Variants in PTPRD observed in about 807,000 individuals in gnomAD.
PTPRD encodes the protein protein tyrosine phosphatase receptor type D, also known as receptor-type tyrosine-protein phosphatase delta.
A neutral mutation model predicts 214.5 loss-of-function variants in PTPRD; 34 were observed. The observed-to-expected ratio is 0.16, with a 90% confidence interval of 0.12 to 0.21. The LOEUF (loss-of-function observed/expected upper bound fraction) is 0.21, where lower values mean the gene tolerates loss of function less well. Among genes scored for constraint, PTPRD ranks in the 10% least tolerant of loss-of-function variants. The pLI, the probability that PTPRD is intolerant of heterozygous loss-of-function variation, is 1.00. For missense variants in PTPRD, 2,545 were observed against 2,398.7 expected (o/e 1.06, Z -1.27); for synonymous variants, 1,128 against 845.7 (o/e 1.33, Z -5.79).
chr9:10,496,632 T>C (rs1017358447), intron 2 of PTPRD, among the ~76,000 whole-genome samples: 7 of 152,214 alleles, frequency 4.6e-5, no homozygotes, highest in East Asian at 1.9e-4. Flanking sequence ...TTTTTGACTT[T>C]TGAATAATAG....
At chr9:8,705,942 G>C (rs887214408) in intron 12 of PTPRD, among the ~76,000 whole-genome samples, 2 of 152,124 alleles carry the variant, frequency 1.3e-5, no homozygotes, top group African/African-American at 4.8e-5. Flanking sequence ...GTGATTCGGA[G>C]CATTTAGTCA....
At chr9:8,732,626 T>C (rs1013941133) in intron 12 of PTPRD, among the ~76,000 whole-genome samples, 4 of 152,234 alleles carry the variant, frequency 2.6e-5, no homozygotes, top group African/African-American at 9.6e-5. Context: ...ATTAGGAAAC[T>C]ATATACATTA....
chr9:10,278,110 A>G (rs764058168), intron 3 of PTPRD, among the ~76,000 whole-genome samples: 1 of 151,254 alleles, frequency 6.6e-6, no homozygotes, highest in Non-Finnish European at 1.5e-5. Context: ...GAGCCGAGAT[A>G]GCGCCACTGC....
intron 3 of PTPRD, among the ~76,000 whole-genome samples, chr9:10,194,921 A>G (rs1159958634): frequency 6.6e-6 from 1 of 151,312 alleles, no homozygotes; most frequent in Non-Finnish European, 1.5e-5. Flanking sequence ...GAAGAAAAAA[A>G]TAACAAGGAT....
At chr9:8,646,779 A>T (rs1564956612) in intron 12 of PTPRD, among the ~76,000 whole-genome samples, 1 of 152,190 alleles carries the variant, frequency 6.6e-6, no homozygotes, top group Admixed American at 6.5e-5. Context: ...AGAAAATTAT[A>T]CATGCCCCTG....
chr9:8,996,760 C>A (rs1044553826), intron 11 of PTPRD, among the ~76,000 whole-genome samples: 6 of 151,940 alleles, frequency 3.9e-5, no homozygotes. Flanking sequence ...ACAGGCTGAG[C>A]CTCATGGCCT....
chr9:10,225,709 CT>C, intron 3 of PTPRD, among the ~76,000 whole-genome samples: 1 of 152,140 alleles, frequency 6.6e-6, no homozygotes, highest in South Asian at 2.1e-4. Flanking sequence ...CGTATTCATA[CT>C]GTGGATACAT....
chr9:9,134,432 G>A (rs1256332757), intron 10 of PTPRD, among the ~76,000 whole-genome samples: 1 of 151,956 alleles, frequency 6.6e-6, no homozygotes, highest in Non-Finnish European at 1.5e-5. Flanking sequence ...CAATTCTCTT[G>A]GCTTTACCTT....
chr9:9,382,773 TATC>T (rs1271180452), intron 9 of PTPRD, among the ~76,000 whole-genome samples: 1 of 151,998 alleles, frequency 6.6e-6, no homozygotes, highest in African/African-American at 2.4e-5. Context: ...AAATAAAACT[TATC>T]ATATGATTTG....
chr9:8,645,411 C>A (rs1253902653), intron 12 of PTPRD, among the ~76,000 whole-genome samples: 4 of 152,206 alleles, frequency 2.6e-5, no homozygotes, highest in Non-Finnish European at 5.9e-5. Flanking sequence ...AAGACAAATA[C>A]CTCAATACAG....
intron 7 of PTPRD, among the ~76,000 whole-genome samples, chr9:9,725,427 C>T (rs973105210): frequency 3.3e-5 from 5 of 151,888 alleles, no homozygotes; most frequent in African/African-American, 7.3e-5. Flanking sequence ...GTCCATTAAA[C>T]GTCTTTTTCT....
chr9:10,331,086 G>A (rs926343133), intron 3 of PTPRD, among the ~76,000 whole-genome samples: 1 of 151,828 alleles, frequency 6.6e-6, no homozygotes, highest in Non-Finnish European at 1.5e-5. Flanking sequence ...AACACCAGAT[G>A]CAGATGCCTT....
intron 5 of PTPRD, among the ~76,000 whole-genome samples, chr9:9,918,351 TAAAAA>T (rs3050147): frequency 9.8e-5 from 10 of 101,940 alleles, no homozygotes; most frequent in East Asian, 2.9e-4. Context: ...ACCAAAGAGG[TAAAAA>T]AAAAAAAAAA....
intron 7 of PTPRD, among the ~76,000 whole-genome samples, chr9:9,623,314 C>A (rs546759333): frequency 8.2e-4 from 125 of 152,296 alleles, no homozygotes; most frequent in Non-Finnish European, 1.4e-3. Flanking sequence ...GAGTTCATCA[C>A]TTCTTTAACT....
chr9:9,041,352 C>G (rs886795448), intron 10 of PTPRD, among the ~76,000 whole-genome samples: 2 of 151,996 alleles, frequency 1.3e-5, no homozygotes, highest in African/African-American at 4.8e-5. Flanking sequence ...TTTCCTGATC[C>G]TCTGCCTCTT....
At chr9:8,406,713 A>G (rs963340010) in intron 35 of PTPRD, among the ~76,000 whole-genome samples, 5 of 152,180 alleles carry the variant, frequency 3.3e-5, no homozygotes, top group Non-Finnish European at 5.9e-5. Flanking sequence ...ATAACATGAG[A>G]GTTAGAGAAC....
chr9:9,527,642 T>C lies in PTPRD; in HGVS notation c.-237+47090A>G, dbSNP rs374309251. Among the ~76,000 whole-genome samples the C allele has an allele frequency of 1.8e-4, 28 of 152,332 alleles. 1 individual carries two copies. Among genetic ancestry groups the C allele is most frequent in the African/African-American group, 6.7e-4 (28 of 41,586 alleles). On this transcript the variant is annotated intron_variant, in intron 8 of 45. Transcript: ENST00000381196. ...ACTATTTAAAATCTTGCTTCTCTTA[T>C]GTATAATAACTCTTCAAGCATCTAT...
intron 7 of PTPRD, among the ~76,000 whole-genome samples, chr9:9,658,097 C>T (rs1433328033): frequency 6.6e-6 from 1 of 152,068 alleles, no homozygotes; most frequent in Non-Finnish European, 1.5e-5. Context: ...ATTACAGGTG[C>T]TGTTTTATTT....
intron 9 of PTPRD, among the ~76,000 whole-genome samples, chr9:9,243,594 T>A (rs1017793772): frequency 6.6e-6 from 1 of 152,144 alleles, no homozygotes; most frequent in African/African-American, 2.4e-5. Flanking sequence ...TCAACAATCT[T>A]CATGCTAAAA....
Sources: allele counts gnomAD v4.1 joint callset (sites outside exome capture counted in the v4.1 genomes callset), GRCh38; gene constraint gnomAD v4.1.1; transcripts MANE v1.5; gene names NCBI Gene and HGNC (gene_info 2026-07-23, HGNC 2026-07-21).